The following ALLC variants were observed in gnomAD, a reference collection of about 807,000 sequenced individuals.
ALLC encodes the protein probable inactive allantoicase.
A neutral mutation model predicts 45.0 loss-of-function variants in ALLC; 40 were observed. That is an observed-to-expected ratio of 0.89 (90% CI 0.69 to 1.16). The LOEUF (loss-of-function observed/expected upper bound fraction) is 1.16, where lower values mean the gene tolerates loss of function less well. Ranked by LOEUF, ALLC falls within the 50% of genes most tolerant of loss-of-function variation. The pLI is 0.00. For synonymous variants in ALLC, 176 were observed against 178.1 expected (o/e 0.99, Z 0.09); for missense variants, 488 against 493.1 (o/e 0.99, Z 0.10).
upstream of ALLC, among the ~76,000 whole-genome samples, chr2:3,656,095 C>G (rs1666432907): frequency 6.6e-6 from 1 of 152,254 alleles, no homozygotes; most frequent in Non-Finnish European, 1.5e-5. Context: ...AGCGGGACAC[C>G]CACTTCAGCC....
intron 7 of ALLC, among the ~76,000 whole-genome samples, chr2:3,692,112 T>C (rs1208675089): frequency 6.6e-6 from 1 of 152,256 alleles, no homozygotes; most frequent in East Asian, 1.9e-4. Flanking sequence ...CAGTCACTGG[T>C]TCCTTGCTTT....
chr2:3,689,228 CTTTA>C (rs1667410717), intron 7 of ALLC, among the ~76,000 whole-genome samples: 1 of 150,634 alleles, frequency 6.6e-6, no homozygotes, highest in Non-Finnish European at 1.5e-5. Context: ...ATCCTCTGAT[CTTTA>C]TTTTTTTCTT....
At chr2:3,678,673 T>C (rs1667092218) in intron 4 of ALLC, 118 bp downstream of exon 4, 8 of 771,424 alleles carry the variant, frequency 1.0e-5, no homozygotes, top group African/African-American at 1.7e-5. Flanking sequence ...TGGAATGCTC[T>C]GTAATCTTGG....
intron 7 of ALLC, among the ~76,000 whole-genome samples, chr2:3,690,547 A>C (rs1667487282): frequency 1.3e-5 from 2 of 148,570 alleles, no homozygotes; most frequent in African/African-American, 2.5e-5. Context: ...TTTTTAGCAA[A>C]TCTATTATAG....
At chr2:3,678,404 A>G (rs545982011) in intron 3 of ALLC, 64 bp from the exon 4 acceptor site, 1 of 1,397,584 alleles carries the variant, frequency 7.2e-7, no homozygotes, top group South Asian at 1.2e-5. Context: ...ACAGAAGTGG[A>G]CTTGCTGGAA....
At chr2:3,695,615 C>A in intron 7 of ALLC, 102 bp from the exon 8 acceptor site, 1 of 1,394,870 alleles carries the variant, frequency 7.2e-7, no homozygotes. Flanking sequence ...GTGGCCAAAG[C>A]CTACCAAGAG....
rs1667304108 is a variant in ALLC at position 3,685,280 on chromosome 2, A to G, written c.511+2206A>G. Among the ~76,000 whole-genome samples, 2 of 139,908 alleles carry G rather than the reference A, an allele frequency of 1.4e-5. 1 individual carries two copies. Among genetic ancestry groups the G allele is most frequent in the Non-Finnish European group, 3.3e-5 (2 of 61,324 alleles). The allele number at this position is 139,908 out of a possible 152,430, so 91.8% of individuals were successfully genotyped here. ...GGTATTACTCTGCTCTCACGTTGCT[A>G]TAAAGATACTACCTGAGACTGGGTA... On this transcript the variant is annotated intron_variant, in intron 7 of 11. Transcript: ENST00000252505.
At chr2:3,687,801 C>A (rs1421645339) in intron 7 of ALLC, among the ~76,000 whole-genome samples, 1 of 150,878 alleles carries the variant, frequency 6.6e-6, no homozygotes, top group Non-Finnish European at 1.5e-5. Context: ...GTACAGTGGA[C>A]TTTATTGATG....
intron 6 of ALLC, among the ~76,000 whole-genome samples, 195 bp from the exon 7 acceptor site, chr2:3,682,747 G>T (rs377558521): frequency 2.0e-5 from 3 of 152,078 alleles, no homozygotes; most frequent in Admixed American, 1.3e-4. Flanking sequence ...GGATGGTCTC[G>T]ATCTCCTGAC....
chr2:3,663,584 G>GA (rs373258016), intron 1 of ALLC, among the ~76,000 whole-genome samples: 12,887 of 144,782 alleles, frequency 0.089, 681 homozygotes, highest in African/African-American at 0.16. Flanking sequence ...TTAAAAGTTG[G>GA]AAAAAAAAAA....
At chr2:3,651,442 T>TGTGTGTGTATGAGG in the ALLC span, among the ~76,000 whole-genome samples, 1 of 25,602 alleles carries the variant, frequency 3.9e-5, no homozygotes. Flanking sequence ...TGTGTGTGTG[T>TGTGTGTGTATGAGG]TAGGAAGGGA....
chr2:3,701,583 C>T lies in ALLC; in HGVS notation c.922C>T (p.Gln308Ter). Residue 308 changes from glutamine to a stop codon, truncating the protein, a stop_gained, in exon 11 of 12, where the codon CAA (glutamine) becomes TAA (stop). Transcript: ENST00000252505. LOFTEE classifies it high-confidence loss of function. ...TTQEEEAVIR[Q>*]KWILPAHKWK... Reference sequence around the variant, plus strand: ...TCAGGAAGAAGAAGCCGTGATCAGGCAAAAGTGGATTCTCCCGGCCCACAA... The same window carrying T: ...TCAGGAAGAAGAAGCCGTGATCAGGTAAAAGTGGATTCTCCCGGCCCACAA... 1 of 1,609,320 alleles carries T rather than the reference C, an allele frequency of 6.2e-7. No individual in the cohort carries two copies. Among genetic ancestry groups the T allele is most frequent in the South Asian group, 1.1e-5 (1 of 89,606 alleles).
chr2:3,660,055 G>A (rs184828319), intron 1 of ALLC, among the ~76,000 whole-genome samples: 1 of 152,330 alleles, frequency 6.6e-6, no homozygotes, highest in Non-Finnish European at 1.5e-5. Context: ...ACCTCATGGT[G>A]CAATCAGATC....
chr2:3,653,611 G>A (rs1303247462), upstream of ALLC, among the ~76,000 whole-genome samples: 2 of 152,086 alleles, frequency 1.3e-5, no homozygotes, highest in Non-Finnish European at 2.9e-5. The surrounding 1 kb of genome is among the most constrained non-coding windows in gnomAD (Gnocchi z 4.1). Context: ...AGTGGGTGTC[G>A]AGAAGACAGT....
chr2:3,672,699 A>G (rs373077767), intron 2 of ALLC, among the ~76,000 whole-genome samples: 2,184 of 60,494 alleles, frequency 0.036, no homozygotes, highest in Middle Eastern at 0.047. Context: ...TTAGATCGGA[A>G]GTCCTCTGGC....
intron 10 of ALLC, among the ~76,000 whole-genome samples, chr2:3,701,044 G>T (rs555000089): frequency 5.9e-5 from 9 of 152,154 alleles, no homozygotes; most frequent in Non-Finnish European, 1.2e-4. Flanking sequence ...CCAAATACAC[G>T]TGTGTGGCTG....
chr2:3,663,234 C>T (rs941443897), intron 1 of ALLC, among the ~76,000 whole-genome samples: 30 of 152,156 alleles, frequency 2.0e-4, no homozygotes, highest in African/African-American at 7.2e-4. Flanking sequence ...CCATGGAATA[C>T]TATGCAGCCA....
intron 10 of ALLC, among the ~76,000 whole-genome samples, chr2:3,697,661 ATCTATCTT>A (rs1667715237): frequency 6.8e-6 from 1 of 147,404 alleles, no homozygotes; most frequent in South Asian, 2.2e-4. Flanking sequence ...CTATCTATCT[ATCTATCTT>A]TTATTTATTT....
upstream of ALLC, among the ~76,000 whole-genome samples, chr2:3,653,411 G>C (rs1027270640): frequency 2.0e-5 from 3 of 152,216 alleles, no homozygotes; most frequent in Non-Finnish European, 4.4e-5. The surrounding 1 kb of genome is among the most constrained non-coding windows in gnomAD (Gnocchi z 4.1). Flanking sequence ...GAGAGGGAAG[G>C]CCACTCCAGG....
Sources: allele counts gnomAD v4.1 joint callset (sites outside exome capture counted in the v4.1 genomes callset), GRCh38; gene constraint gnomAD v4.1.1; non-coding constraint Gnocchi (gnomAD v3.1); transcripts MANE v1.5; gene names NCBI Gene and HGNC (gene_info 2026-07-23, HGNC 2026-07-21).